Variants in SLC35D1 observed in about 807,000 individuals in gnomAD.
The protein encoded by SLC35D1 is solute carrier family 35 member D1.
SLC35D1 carries 31 observed loss-of-function variants against 46.7 expected under a neutral mutation model. The observed-to-expected ratio is 0.66, with a 90% CI of 0.50 to 0.90. The LOEUF is 0.90. Among genes scored for constraint, SLC35D1 ranks in the 40% least tolerant of loss-of-function variants. The pLI, the probability that SLC35D1 is intolerant of heterozygous loss-of-function variation, is 0.00. For missense variants in SLC35D1, 397 were observed against 426.2 expected (o/e 0.93, Z 0.60); for synonymous variants, 195 against 164.6 (o/e 1.18, Z -1.41).
the SLC35D1 span, chr1:66,988,023 G>T: frequency 6.6e-6 from 1 of 152,356 alleles, no homozygotes. Context: ...AACTTGTTTT[G>T]TCACAATATT....
rs767558464 is a variant in SLC35D1 at position 67,042,262 on chromosome 1, C to A, written c.703G>T (p.Ala235Ser). The change falls in exon 8 of 12, where the codon GCG becomes TCG. Residue 235 changes from alanine (A) to serine (S), a missense_variant. Physicochemically the swap from Ala to Ser is moderately conservative, Grantham distance 99 (BLOSUM62 1). Coordinates refer to ENST00000235345, the MANE Select transcript of SLC35D1 (RefSeq NM_015139.3). ...LFMILPTLAI[A>S]YFTGDAQKAV... ...TTTTGTGCATCTCCTGTGAAATACG[C>A]AATGGCCAGGGTGGGCAGAATCATG... 1 of 1,614,130 alleles carries A rather than the reference C, an allele frequency of 6.2e-7. No homozygotes were observed. The highest frequency in any genetic ancestry group is 8.5e-7 in the Non-Finnish European group (1 of 1,179,998).
At chr1:67,022,351 T>A (rs1268792587) in intron 8 of SLC35D1, among the ~76,000 whole-genome samples, 1 of 152,222 alleles carries the variant, frequency 6.6e-6, no homozygotes, top group East Asian at 1.9e-4. Flanking sequence ...ATAAATCTGA[T>A]GGCACCAGGG....
chr1:66,993,516 A>T, the SLC35D1 span, among the ~76,000 whole-genome samples: 1 of 152,184 alleles, frequency 6.6e-6, no homozygotes, highest in African/African-American at 2.4e-5. Context: ...ATATATTTTG[A>T]TATAAAATAA....
chr1:67,008,360 A>G (rs540524918), intron 11 of SLC35D1: 2 of 1,218,272 alleles, frequency 1.6e-6, no homozygotes, highest in South Asian at 1.3e-5. Context: ...GGTGGTCTTG[A>G]TCTCTTGACC....
intron 8 of SLC35D1, among the ~76,000 whole-genome samples, chr1:67,034,410 T>C (rs938667437): frequency 2.0e-5 from 3 of 152,198 alleles, no homozygotes; most frequent in African/African-American, 7.2e-5. Context: ...TTTTCACTTC[T>C]TTGGTTAATT....
chr1:67,017,672 T>A (rs551684557), intron 10 of SLC35D1, among the ~76,000 whole-genome samples: 16 of 152,298 alleles, frequency 1.1e-4, no homozygotes, highest in African/African-American at 3.8e-4. Context: ...TAAAAAACTC[T>A]ATACACTACT....
chr1:66,977,861 T>C, the SLC35D1 span, among the ~76,000 whole-genome samples: 1 of 152,120 alleles, frequency 6.6e-6, no homozygotes, highest in African/African-American at 2.4e-5. Flanking sequence ...GTCAATGTAC[T>C]CCAGTAAAGA....
At position 67,035,815 on chromosome 1, in the gene SLC35D1, T is replaced by G. The variant is rs140510580; in HGVS notation, c.729+6421A>C. Among the ~76,000 whole-genome samples, 553 of 151,000 alleles carry G rather than the reference T, an allele frequency of 3.7e-3. 7 individuals are homozygous for G. Among genetic ancestry groups the G allele is most frequent in the African/African-American group, 0.011 (468 of 41,380 alleles). The stretch of plus-strand genomic sequence containing the variant: ...TTATTTGAAGTTTTTCTTTTTTTTT[T>G]TTTTTTGATGTAGGCATTTACAGTT... On this transcript the variant is annotated intron_variant, in intron 8 of 11. Transcript: ENST00000235345.
chr1:67,050,352 A>G (rs1346637196), intron 5 of SLC35D1, 81 bp downstream of exon 5: 2 of 1,078,138 alleles, frequency 1.9e-6, no homozygotes, highest in Non-Finnish European at 2.8e-6. Flanking sequence ...TAGGAACAAG[A>G]CAAATAATTT....
intron 8 of SLC35D1, among the ~76,000 whole-genome samples, chr1:67,037,784 G>A (rs898353103): frequency 2.0e-5 from 3 of 152,092 alleles, no homozygotes; most frequent in African/African-American, 7.2e-5. Context: ...GAGTTTGCAT[G>A]TCATGGTAAA....
chr1:66,980,237 A>G, the SLC35D1 span, among the ~76,000 whole-genome samples: 1 of 152,198 alleles, frequency 6.6e-6, no homozygotes. Flanking sequence ...TATAATTATG[A>G]TGAGTAGCAT....
rs1450123513 is a variant in SLC35D1 at position 67,004,080 on chromosome 1, A to AAG, written c.*258_*259dup. 1 of 399,056 alleles carries AAG rather than the reference A, an allele frequency of 2.5e-6. No individual in the cohort carries two copies. Among genetic ancestry groups the AAG allele is most frequent in the Non-Finnish European group, 4.7e-6 (1 of 213,780 alleles). The allele number at this position is 399,056 out of a possible 1,614,324, so 24.7% of individuals were successfully genotyped here. Reference sequence around the variant, plus strand: ...CACTGATGTTTCACTGTCGGCATATAAGAAAAATAAATTAAAAAGCCCAGT... The same window carrying AAG: ...CACTGATGTTTCACTGTCGGCATATAAGAGAAAAATAAATTAAAAAGCCCAGT... On this transcript the variant is annotated 3_prime_UTR_variant, in exon 12 of 12. Coordinates refer to ENST00000235345, the MANE Select transcript of SLC35D1 (RefSeq NM_015139.3).
intron 7 of SLC35D1, among the ~76,000 whole-genome samples, chr1:67,046,513 T>C (rs72673789): frequency 0.036 from 5,430 of 152,290 alleles, 245 homozygotes; most frequent in East Asian, 0.22. Context: ...GGAAAAACTA[T>C]GGTGACATCT....
At chr1:66,984,584 A>G in the SLC35D1 span, 1 of 1,593,384 alleles carries the variant, frequency 6.3e-7, no homozygotes, top group Admixed American at 1.8e-5. Context: ...GTGTCATCTA[A>G]TGGACCAGGT....
In SLC35D1 at chr1:67,004,305, C is replaced by T. The variant is rs201214836; in HGVS notation, c.*35G>A. ...GCCAGTGTTCTGAGTTGATTAAAAA[C>T]TTAGGCCTACGTATCAGATGAAGCA... On this transcript the variant is annotated 3_prime_UTR_variant, in exon 12 of 12. Transcript: ENST00000235345. 1.6e-5 allele frequency: 25 copies of T among 1,584,586 alleles called. No homozygotes were observed. In the Admixed American group the frequency reaches 2.7e-4, roughly 17 times the overall value.
At chr1:66,996,511 G>C (rs1433534850), downstream of SLC35D1, among the ~76,000 whole-genome samples, 1 of 152,158 alleles carries the variant, frequency 6.6e-6, no homozygotes, top group African/African-American at 2.4e-5. Flanking sequence ...TGACCACACC[G>C]GGCAAGTGTG....
At chr1:67,053,751 G>GAGCCGC (rs1553268893) in intron 1 of SLC35D1, 60 bp downstream of exon 1, 1 of 1,393,156 alleles carries the variant, frequency 7.2e-7, no homozygotes, top group Non-Finnish European at 9.3e-7. Context: ...AGCCGGCGCC[G>GAGCCGC]CGCCGCCGCC....
chr1:67,008,349 G>GGGT, intron 11 of SLC35D1: 1 of 1,101,826 alleles, frequency 9.1e-7, no homozygotes, highest in Non-Finnish European at 1.2e-6. Flanking sequence ...ATGTTGGCCA[G>GGGT]GGTGGTCTTG....
chr1:67,028,003 A>C (rs1399283794), intron 8 of SLC35D1, among the ~76,000 whole-genome samples: 1 of 152,136 alleles, frequency 6.6e-6, no homozygotes, highest in Non-Finnish European at 1.5e-5. Flanking sequence ...AAATGCTGGG[A>C]TTGCAGGAGT....
Sources: allele counts gnomAD v4.1 joint callset (sites outside exome capture counted in the v4.1 genomes callset), GRCh38; gene constraint gnomAD v4.1.1; transcripts MANE v1.5; gene names NCBI Gene and HGNC (gene_info 2026-07-23, HGNC 2026-07-21).